The following PTPRD variants were observed in gnomAD, a reference collection of about 807,000 sequenced individuals.
PTPRD encodes the protein protein tyrosine phosphatase receptor type D.
A neutral mutation model predicts 214.5 loss-of-function variants in PTPRD; 34 were observed. That is an observed-to-expected ratio of 0.16 (90% CI 0.12 to 0.21). The LOEUF is 0.21. Among genes scored for constraint, PTPRD ranks in the 10% least tolerant of loss-of-function variants. The pLI is 1.00. For synonymous variants in PTPRD, 1,128 were observed against 845.7 expected, an observed-to-expected ratio of 1.33 and a Z score of -5.79; for missense variants, 2,545 against 2,398.7, an observed-to-expected ratio of 1.06 and a Z score of -1.27.
chr9:9,737,231 G>T (rs1486802760), intron 6 of PTPRD, among the ~76,000 whole-genome samples: 1 of 152,068 alleles, frequency 6.6e-6, no homozygotes, highest in Admixed American at 6.5e-5. Flanking sequence ...ACATTTGTGT[G>T]TTCCACTGAA....
intron 3 of PTPRD, among the ~76,000 whole-genome samples, chr9:10,040,596 A>G (rs1213111801): frequency 6.6e-6 from 1 of 152,040 alleles, no homozygotes. Flanking sequence ...ACGAGAGGCT[A>G]TATTTGGTTT....
chr9:10,273,219 C>G (rs10958993), intron 3 of PTPRD, among the ~76,000 whole-genome samples: 13,335 of 152,088 alleles, frequency 0.088, 654 homozygotes, highest in Non-Finnish European at 0.11. Flanking sequence ...CCTTTTAGAC[C>G]AAATATAGTT....
intron 2 of PTPRD, among the ~76,000 whole-genome samples, chr9:10,515,200 C>T (rs963523683): frequency 6.6e-6 from 1 of 152,130 alleles, no homozygotes; most frequent in African/African-American, 2.4e-5. Flanking sequence ...GCAAGTATAA[C>T]TTCAACAGAT....
At chr9:10,369,838 C>T (rs543500484) in intron 2 of PTPRD, among the ~76,000 whole-genome samples, 43 of 151,818 alleles carry the variant, frequency 2.8e-4, no homozygotes, top group Non-Finnish European at 5.0e-4. Flanking sequence ...ACCTATCTCT[C>T]GGTTAAGTTT....
chr9:9,585,811 G>A (rs1159432472), intron 7 of PTPRD, among the ~76,000 whole-genome samples: 1 of 151,996 alleles, frequency 6.6e-6, no homozygotes, highest in Non-Finnish European at 1.5e-5. Flanking sequence ...ATTTGCCAGA[G>A]ACTCAAAGGT....
chr9:10,208,842 T>C (rs985859671), intron 3 of PTPRD, among the ~76,000 whole-genome samples: 12 of 152,130 alleles, frequency 7.9e-5, no homozygotes, highest in African/African-American at 2.9e-4. Flanking sequence ...GGCAGGTAGA[T>C]GACAAGGCAC....
intron 10 of PTPRD, among the ~76,000 whole-genome samples, chr9:9,034,655 C>T (rs2099615907): frequency 6.6e-6 from 1 of 152,008 alleles, no homozygotes; most frequent in South Asian, 2.1e-4. Context: ...GCAGTGTAGT[C>T]AGACTGTGGA....
chr9:8,891,973 G>T (rs1009620620), intron 11 of PTPRD, among the ~76,000 whole-genome samples: 1 of 151,934 alleles, frequency 6.6e-6, no homozygotes, highest in South Asian at 2.1e-4. Context: ...CCTTCTTAAC[G>T]TCCCCTTATG....
At chr9:10,420,897 C>A (rs949724597) in intron 2 of PTPRD, among the ~76,000 whole-genome samples, 1 of 151,662 alleles carries the variant, frequency 6.6e-6, no homozygotes, top group African/African-American at 2.4e-5. Flanking sequence ...AAGACTCCCA[C>A]ATTTTGCTAC....
At chr9:9,090,962 G>A (rs1411311326) in intron 10 of PTPRD, 38 of 1,578,428 alleles carry the variant, frequency 2.4e-5, no homozygotes, top group East Asian at 2.2e-5. Context: ...CAGCCTATTC[G>A]CTGCACTAAC....
At chr9:9,744,187 A>C (rs976908277) in intron 6 of PTPRD, among the ~76,000 whole-genome samples, 6 of 152,220 alleles carry the variant, frequency 3.9e-5, no homozygotes, top group African/African-American at 1.4e-4. Context: ...TTCCCAAACA[A>C]GTCATAATCA....
chr9:9,290,651 G>A (rs780271355), intron 9 of PTPRD, among the ~76,000 whole-genome samples: 6 of 151,244 alleles, frequency 4.0e-5, no homozygotes, highest in African/African-American at 7.3e-5. Context: ...AGCCAAACTC[G>A]GTTAATGACT....
At chr9:9,728,206 C>G (rs1465976432) in intron 7 of PTPRD, among the ~76,000 whole-genome samples, 1 of 152,142 alleles carries the variant, frequency 6.6e-6, no homozygotes, top group Non-Finnish European at 1.5e-5. Context: ...CATTAAACCT[C>G]TTTTTCGTTA....
intron 10 of PTPRD, among the ~76,000 whole-genome samples, chr9:9,099,753 T>G (rs2099788763): frequency 6.6e-6 from 1 of 152,324 alleles, no homozygotes; most frequent in South Asian, 2.1e-4. Flanking sequence ...GCCCATGGTT[T>G]CTATGAATAG....
At chr9:9,548,802 C>A (rs368713193) in intron 8 of PTPRD, among the ~76,000 whole-genome samples, 2 of 151,964 alleles carry the variant, frequency 1.3e-5, no homozygotes, top group African/African-American at 4.8e-5. Flanking sequence ...ATGGTCAATT[C>A]GGCAAGTAGA....
At chr9:10,448,522 G>C (rs1003490686) in intron 2 of PTPRD, among the ~76,000 whole-genome samples, 1 of 151,952 alleles carries the variant, frequency 6.6e-6, no homozygotes, top group Non-Finnish European at 1.5e-5. Flanking sequence ...AAATATAATA[G>C]GAAGTGGGTA....
At chr9:8,423,091 G>C (rs2094461664) in intron 35 of PTPRD, among the ~76,000 whole-genome samples, 1 of 152,134 alleles carries the variant, frequency 6.6e-6, no homozygotes, top group South Asian at 2.1e-4. Context: ...CCTGACATCA[G>C]AATCTGAACG....
chr9:8,974,812 T>C (rs550715211), intron 11 of PTPRD, among the ~76,000 whole-genome samples: 14 of 152,052 alleles, frequency 9.2e-5, no homozygotes, highest in African/African-American at 3.4e-4. Context: ...AGAAAGATAT[T>C]TGGGCCAGGT....
intron 5 of PTPRD, among the ~76,000 whole-genome samples, chr9:9,812,193 G>A (rs773680686): frequency 2.0e-5 from 3 of 152,036 alleles, no homozygotes; most frequent in Admixed American, 1.3e-4. Context: ...TAGTATAAAC[G>A]TAACTTTTAT....
Sources: gnomAD v4.1 joint callset for allele counts (sites outside exome capture counted in the v4.1 genomes callset) on GRCh38, gnomAD v4.1.1 for gene constraint, MANE v1.5 for transcripts, NCBI Gene and HGNC (gene_info 2026-07-23, HGNC 2026-07-21) for gene names.